Variants in TTC14 observed in about 807,000 individuals in gnomAD.
TTC14 encodes the protein tetratricopeptide repeat domain 14.
A neutral mutation model predicts 79.9 loss-of-function variants in TTC14; 63 were observed. The observed-to-expected ratio is 0.79, with a 90% CI of 0.64 to 0.97. TTC14 has a LOEUF of 0.97. TTC14 is among the 50% of genes least tolerant of loss of function. The pLI is 0.00. For synonymous variants in TTC14, 335 were observed against 309.6 expected (o/e 1.08, Z -0.86); for missense variants, 895 against 894.0 (o/e 1.00, Z -0.01).
chr3:180,607,851 T>C, intron 10 of TTC14, 86 bp downstream of exon 10: 1 of 1,560,324 alleles, frequency 6.4e-7, no homozygotes, highest in Non-Finnish European at 8.6e-7. Flanking sequence ...CTATTCTACA[T>C]TACTTAAGTA....
downstream of TTC14, among the ~76,000 whole-genome samples, chr3:180,612,269 T>C (rs1267198153): frequency 6.6e-6 from 1 of 152,236 alleles, no homozygotes; most frequent in Non-Finnish European, 1.5e-5. Context: ...AATTTTTTTT[T>C]CCTTAATTAA....
intron 11 of TTC14, chr3:180,609,252 AC>A: frequency 3.7e-6 from 1 of 272,398 alleles, no homozygotes; most frequent in Non-Finnish European, 5.7e-6. Context: ...TCCCACCCGC[AC>A]CCCCACCCCC....
Position 180,608,748 on chromosome 3 carries a change from G to T in TTC14, c.1338G>T (p.Gln446His). 1 of 1,558,318 alleles carries T rather than the reference G, an allele frequency of 6.4e-7. No homozygotes were observed. Among genetic ancestry groups the T allele is most frequent in the South Asian group, 1.2e-5 (1 of 81,660 alleles). The change falls in exon 11 of 12, where the codon CAG (glutamine) becomes CAT (histidine). Residue 446 changes from glutamine to histidine, a missense_variant. Gln to His is a conservative substitution (Grantham distance 24). Coordinates refer to ENST00000296015, the MANE Select transcript of TTC14 (RefSeq NM_133462.4). ...REKQAEKEEK[Q>H]KTKKIETSAE... The stretch of plus-strand genomic sequence containing the variant: ...AACAAGCTGAAAAGGAAGAAAAGCA[G>T]AAAACAAAGAAAATAGAAACAAGTG...
At chr3:180,615,688 G>T (rs1461387158), downstream of TTC14, among the ~76,000 whole-genome samples, 1 of 152,122 alleles carries the variant, frequency 6.6e-6, no homozygotes, top group Non-Finnish European at 1.5e-5. Flanking sequence ...GCTGCTGAAT[G>T]CAGGAGATTG....
chr3:180,613,762 T>C, downstream of TTC14: 1 of 428,172 alleles, frequency 2.3e-6, no homozygotes, highest in Non-Finnish European at 4.6e-6. Context: ...TTTTAGGTCT[T>C]ATAAATCTCA....
At chr3:180,604,411 T>A (rs1716558247) in intron 4 of TTC14, 67 bp from the exon 5 acceptor site, 3 of 1,548,708 alleles carry the variant, frequency 1.9e-6, no homozygotes, top group Non-Finnish European at 2.6e-6. Flanking sequence ...TTGGGAAAGT[T>A]TATATTTTTT....
At position 180,603,112 on chromosome 3, in the gene TTC14, T is replaced by A. The variant is rs1321846368; in HGVS notation, c.287-12T>A. 4 of 1,610,162 alleles carry A rather than the reference T, an allele frequency of 2.5e-6. No individual in the cohort carries two copies. Among genetic ancestry groups the A allele is most frequent in the Admixed American group, 3.4e-5 (2 of 59,276 alleles). ...ACTATCGTTAGTGATTTTGTTAATT[T>A]TTTTTTTTTAGATCATTATGCAATC... On this transcript the variant is annotated splice_polypyrimidine_tract_variant and intron_variant, in intron 2 of 11. Transcript: ENST00000296015.
chr3:180,610,455 T>TAAGAAAA lies in TTC14; in HGVS notation c.2228_2234dup (p.Asn745LysfsTer13). The TAAGAAAA allele has an allele frequency of 6.2e-7, 1 of 1,609,468 alleles. No individual in the cohort carries two copies. Among genetic ancestry groups the TAAGAAAA allele is most frequent in the Non-Finnish European group, 8.5e-7 (1 of 1,178,830 alleles). Reference sequence around the variant, plus strand: ...GCAAAGAACACTCAGAAAGCAGTGTTAAGAAAAATTTACCTCAGAATTTAC... The same window carrying TAAGAAAA: ...GCAAAGAACACTCAGAAAGCAGTGTTAAGAAAAAAGAAAAATTTACCTCAGAATTTAC... On this transcript the variant is annotated frameshift_variant, in exon 12 of 12. Transcript: ENST00000296015. LOFTEE classifies it high-confidence loss of function.
At chr3:180,617,021 C>T (rs1717273585) in intron 12 of TTC14, 1 of 951,386 alleles carries the variant, frequency 1.1e-6, no homozygotes, top group Non-Finnish European at 1.5e-6. Flanking sequence ...ACTTTTATAA[C>T]TTGTCATTTA....
chr3:180,608,974 A>G, intron 11 of TTC14, 164 bp downstream of exon 11: 1 of 1,171,418 alleles, frequency 8.5e-7, no homozygotes. Context: ...TTTTCTTATT[A>G]AAGAGATGAA....
downstream of TTC14, among the ~76,000 whole-genome samples, chr3:180,611,781 A>ATAAG (rs1342562074): frequency 4.6e-5 from 7 of 152,188 alleles, no homozygotes; most frequent in Admixed American, 3.9e-4. Context: ...ATGACACTAG[A>ATAAG]TAAGTGGGTG....
intron 3 of TTC14, 152 bp downstream of exon 3, chr3:180,603,475 T>TA: frequency 4.3e-6 from 3 of 694,946 alleles, no homozygotes; most frequent in Non-Finnish European, 7.1e-6. Context: ...TTAAAAAAAT[T>TA]AGTGTAAGTT....
chr3:180,611,876 T>TG (rs1317163457), downstream of TTC14, among the ~76,000 whole-genome samples: 5 of 152,188 alleles, frequency 3.3e-5, no homozygotes, highest in African/African-American at 2.4e-5. Flanking sequence ...TTGCAGTTCT[T>TG]GCCAACAGTA....
chr3:180,604,974 C>A lies in TTC14; in HGVS notation c.824C>A (p.Ser275Tyr). 1.2e-6 allele frequency: 2 copies of A among 1,613,706 alleles called. No homozygotes were observed. The highest frequency in any genetic ancestry group is 1.7e-6 in the Non-Finnish European group (2 of 1,179,890). ...CTAGAAAAACTAGGAATAGATGAATCTAATCCACCATCTTTAATGAGAGGC... is the reference window on the plus strand; with the variant it reads ...CTAGAAAAACTAGGAATAGATGAATATAATCCACCATCTTTAATGAGAGGC... ...FLLEKLGIDE[S>Y]NPPSLMRGLQ... The change falls in exon 6 of 12, where the codon TCT becomes TAT. Residue 275 changes from serine to tyrosine, a missense_variant. Ser to Tyr is a moderately radical substitution (Grantham distance 144). Coordinates refer to ENST00000296015, the MANE Select transcript of TTC14 (RefSeq NM_133462.4).
rs751048648 is a variant in TTC14 at position 180,605,041 on chromosome 3, G to A, written c.857+34G>A. The stretch of plus-strand genomic sequence containing the variant: ...CATCAGTATTACTCTTAGATGGTGA[G>A]GGGAGTGGCAGTAAGCTCAGAAGCT... On this transcript the variant is annotated intron_variant, in intron 6 of 11. Transcript: ENST00000296015. 4.4e-6 allele frequency: 7 copies of A among 1,577,314 alleles called. No individual in the cohort carries two copies. In the Middle Eastern group the frequency reaches 5.1e-4, roughly 115 times the overall value.
chr3:180,602,321 A>C lies in TTC14; in HGVS notation c.60A>C (p.Leu20=), dbSNP rs1230477102. 3 of 1,613,564 alleles carry C rather than the reference A, an allele frequency of 1.9e-6. No homozygotes were observed. The highest frequency in any genetic ancestry group is 8.5e-7 in the Non-Finnish European group (1 of 1,179,938). The change falls in exon 1 of 12, where the codon CTA becomes CTC. Residue 20 remains leucine, a synonymous_variant. Coordinates refer to ENST00000296015, the MANE Select transcript of TTC14 (RefSeq NM_133462.4). The stretch of plus-strand genomic sequence containing the variant: ...GCCACGGGTCGTCTTTGCTCTCTCT[A>C]CTTCGGAGCGAACAGCAGGACAATC... ...LNCHGSSLLS[L]LRSEQQDNPH...
At chr3:180,612,758 G>A (rs554372408), downstream of TTC14, among the ~76,000 whole-genome samples, 1 of 152,216 alleles carries the variant, frequency 6.6e-6, no homozygotes, top group East Asian at 1.9e-4. Flanking sequence ...AACAAAATGG[G>A]ACTTAAGTAA....
chr3:180,603,608 T>C (rs1560071079), intron 3 of TTC14: 1 of 382,954 alleles, frequency 2.6e-6, no homozygotes, highest in African/African-American at 2.1e-5. Flanking sequence ...TTGATTGATA[T>C]TCAGACTTAT....
chr3:180,615,930 CT>C (rs1378216535), downstream of TTC14, among the ~76,000 whole-genome samples: 2 of 152,144 alleles, frequency 1.3e-5, no homozygotes, highest in Non-Finnish European at 2.9e-5. Context: ...CTAAGCTGCC[CT>C]TACATGTTTT....
Sources: allele counts gnomAD v4.1 joint callset (sites outside exome capture counted in the v4.1 genomes callset), GRCh38; gene constraint gnomAD v4.1.1; transcripts MANE v1.5; gene names NCBI Gene and HGNC (gene_info 2026-07-23, HGNC 2026-07-21).